STXBP4: variants seen among roughly 807,000 people sequenced by gnomAD.
STXBP4 encodes the protein syntaxin-binding protein 4.
STXBP4 carries 55 observed loss-of-function variants against 76.1 expected under a neutral mutation model. The observed-to-expected ratio is 0.72, with a 90% CI of 0.58 to 0.91. The LOEUF is 0.91. Among genes scored for constraint, STXBP4 ranks in the 40% least tolerant of loss-of-function variants. The pLI is 0.00. For synonymous variants in STXBP4, 201 were observed against 220.2 expected (o/e 0.91, Z 0.77); for missense variants, 618 against 636.9 (o/e 0.97, Z 0.32).
intron 15 of STXBP4, among the ~76,000 whole-genome samples, chr17:55,078,954 T>A (rs771499173): frequency 5.9e-5 from 9 of 152,194 alleles, no homozygotes; most frequent in Non-Finnish European, 1.0e-4. Context: ...ATTGTAACCT[T>A]GTAATCTAAA....
chr17:55,106,644 A>G (rs1370518723), intron 16 of STXBP4, among the ~76,000 whole-genome samples: 1 of 152,132 alleles, frequency 6.6e-6, no homozygotes, highest in East Asian at 1.9e-4. Context: ...GAGCTCTTGT[A>G]AGGCAGGCCT....
Position 55,063,377 on chromosome 17 carries a change from C to T in STXBP4, c.1012-9523C>T, listed in dbSNP as rs149636780. On this transcript the variant is annotated intron_variant, in intron 12 of 17. Coordinates refer to ENST00000376352, the MANE Select transcript of STXBP4 (RefSeq NM_178509.6). The stretch of plus-strand genomic sequence containing the variant: ...GAATTTTCAATGTTGGAAGAATCTG[C>T]AATTCTTCATAGGAACCTTCCAGTT... Among the ~76,000 whole-genome samples, 1,146 of 152,282 alleles carry T rather than the reference C, an allele frequency of 7.5e-3. 7 individuals are homozygous for T. The highest frequency in any genetic ancestry group is 0.012 in the Non-Finnish European group (819 of 68,014).
intron 1 of STXBP4, among the ~76,000 whole-genome samples, chr17:54,976,364 G>C (rs2077473785): frequency 1.3e-5 from 2 of 152,272 alleles, no homozygotes; most frequent in African/African-American, 4.8e-5. Context: ...TCATTTCTTT[G>C]AATAAGCACA....
At chr17:55,185,174 T>TTTCTTCTTCTTTTCTTC in the STXBP4 span, among the ~76,000 whole-genome samples, 1 of 146,886 alleles carries the variant, frequency 6.8e-6, no homozygotes, top group South Asian at 2.2e-4. Flanking sequence ...TGGCCACTAT[T>TTTCTTCTTCTTTTCTTC]TTCTTCTTCT....
chr17:55,000,748 T>G, intron 6 of STXBP4, 60 bp from the exon 7 acceptor site: 1 of 1,087,158 alleles, frequency 9.2e-7, no homozygotes, highest in Non-Finnish European at 1.4e-6. Flanking sequence ...TATGTTAACA[T>G]GGGCTTCAAG....
chr17:55,078,080 A>G lies in STXBP4; in HGVS notation c.1191A>G (p.Glu397=), dbSNP rs1473144372. The change falls in exon 14 of 18, where the codon GAA becomes GAG. Residue 397 remains glutamate (E), a splice_region_variant and synonymous_variant. Coordinates refer to ENST00000376352, the MANE Select transcript of STXBP4 (RefSeq NM_178509.6). ...QLADYSDQNK[E]SVQDLKKRIM... is the part of the protein sequence containing the mutation. ...CTCCTTTTGATATCTCTGTGCAGGA[A>G]AGTGTTCAGGATTTAAAAAAGAGAA... The G allele has an allele frequency of 6.3e-7, 1 of 1,599,196 alleles. No individual in the cohort carries two copies. The highest frequency in any genetic ancestry group is 1.7e-5 in the Admixed American group (1 of 58,504).
chr17:55,189,241 G>A, the STXBP4 span, among the ~76,000 whole-genome samples: 2 of 152,184 alleles, frequency 1.3e-5, no homozygotes, highest in African/African-American at 2.4e-5. Flanking sequence ...AGTAAATTAT[G>A]AGAATATATA....
At chr17:55,025,186 A>G (rs1305979682) in intron 8 of STXBP4, among the ~76,000 whole-genome samples, 1 of 152,154 alleles carries the variant, frequency 6.6e-6, no homozygotes, top group African/African-American at 2.4e-5. Flanking sequence ...AGTTATAGAT[A>G]TTACTGTTGT....
At chr17:55,084,783 G>A (rs2079302600) in intron 16 of STXBP4, among the ~76,000 whole-genome samples, 2 of 152,144 alleles carry the variant, frequency 1.3e-5, no homozygotes, top group South Asian at 2.1e-4. Flanking sequence ...TCAAAGATCA[G>A]ATAGTTGTAG....
rs2080408991 is a variant in STXBP4 at position 55,171,970 on chromosome 17, A to G, written c.*12059A>G. On this transcript the variant is annotated 3_prime_UTR_variant, in exon 18 of 18. Coordinates refer to ENST00000376352, the MANE Select transcript of STXBP4 (RefSeq NM_178509.6). ...CCTCCTTTGGATAATAAAAACAGCA[A>G]TAATTATAGTGTCATTACCCTGAGT... The G allele has an allele frequency of 6.6e-6, 1 of 152,254 alleles. No individual in the cohort carries two copies. The highest frequency in any genetic ancestry group is 2.1e-4 in the South Asian group (1 of 4,832). 9.4% of individuals were successfully genotyped at this position (152,254 alleles called of 1,614,324 possible).
intron 12 of STXBP4, among the ~76,000 whole-genome samples, chr17:55,071,586 A>T (rs779662764): frequency 2.0e-5 from 3 of 152,146 alleles, no homozygotes; most frequent in Admixed American, 6.6e-5. Flanking sequence ...TATCTCCCCA[A>T]ACTTAGAATG....
chr17:54,975,130 A>G (rs1488551156), intron 1 of STXBP4, among the ~76,000 whole-genome samples: 1 of 152,134 alleles, frequency 6.6e-6, no homozygotes, highest in Non-Finnish European at 1.5e-5. Flanking sequence ...CTCTACTGTC[A>G]GCATCTTGAA....
chr17:55,128,806 G>A (rs1467210299), intron 16 of STXBP4, among the ~76,000 whole-genome samples: 1 of 152,014 alleles, frequency 6.6e-6, no homozygotes, highest in African/African-American at 2.4e-5. Flanking sequence ...GTAGAGACGG[G>A]GTTGCACCAT....
chr17:55,048,226 G>T (rs775424849), intron 12 of STXBP4, among the ~76,000 whole-genome samples: 5 of 151,728 alleles, frequency 3.3e-5, no homozygotes, highest in Non-Finnish European at 7.4e-5. Flanking sequence ...TAGGAAAGAA[G>T]GAAATAAGAA....
At chr17:55,210,086 A>G in the STXBP4 span, among the ~76,000 whole-genome samples, 149 of 152,308 alleles carry the variant, frequency 9.8e-4, no homozygotes, top group African/African-American at 3.5e-3. Context: ...AAAGAAGGAG[A>G]ATGGAAAGGA....
intron 4 of STXBP4, among the ~76,000 whole-genome samples, chr17:54,993,686 T>G (rs746714958): frequency 5.9e-5 from 9 of 152,236 alleles, no homozygotes; most frequent in Non-Finnish European, 1.2e-4. Context: ...TTCTACATAG[T>G]AGAATCTGTG....
the STXBP4 span, among the ~76,000 whole-genome samples, chr17:55,178,638 T>C: frequency 6.6e-6 from 1 of 152,236 alleles, no homozygotes; most frequent in Non-Finnish European, 1.5e-5. Context: ...TTGGTTCACA[T>C]GATTAAAGAG....
In STXBP4 at chr17:55,134,215, C is replaced by T. The variant is rs553326615; in HGVS notation, c.1490-7095C>T. Among the ~76,000 whole-genome samples the T allele has an allele frequency of 2.0e-5, 3 of 151,662 alleles. No individual in the cohort carries two copies. The South Asian group carries it at 6.3e-4, about 32-fold the overall frequency. The stretch of plus-strand genomic sequence containing the variant: ...GTTATGGTGGGAATCTAGAAGTTCT[C>T]TTTCTGCTGCTTCTGTGTTCTTAGT... On this transcript the variant is annotated intron_variant, in intron 16 of 17. Transcript: ENST00000376352.
intron 10 of STXBP4, among the ~76,000 whole-genome samples, chr17:55,041,660 A>G (rs566839631): frequency 6.6e-6 from 1 of 152,326 alleles, no homozygotes. Flanking sequence ...AAAAATCAAT[A>G]AATGAAGGCA....
Sources: gnomAD v4.1 joint callset for allele counts (sites outside exome capture counted in the v4.1 genomes callset) on GRCh38, gnomAD v4.1.1 for gene constraint, MANE v1.5 for transcripts, NCBI Gene and HGNC (gene_info 2026-07-23, HGNC 2026-07-21) for gene names.